Variants in MAPKAPK5 observed in about 807,000 individuals in gnomAD.
MAPKAPK5 encodes MAPK activated protein kinase 5.
In MAPKAPK5, 30 loss-of-function variants were observed where a neutral mutation model predicts 65.1. That is an observed-to-expected ratio of 0.46 (90% CI 0.34 to 0.63). The LOEUF (loss-of-function observed/expected upper bound fraction) is 0.63, where lower values mean the gene tolerates loss of function less well. Ranked by LOEUF, MAPKAPK5 falls within the 20% of genes least tolerant of loss-of-function variation. MAPKAPK5 has a pLI of 0.01. For synonymous variants in MAPKAPK5, 179 were observed against 204.6 expected, an observed-to-expected ratio of 0.87 and a Z score of 1.07; for missense variants, 433 against 581.4, an observed-to-expected ratio of 0.74 and a Z score of 2.63.
intron 1 of MAPKAPK5, among the ~76,000 whole-genome samples, chr12:111,852,499 T>C (rs1566226909): frequency 1.3e-5 from 2 of 152,252 alleles, no homozygotes; most frequent in Admixed American, 6.5e-5. Context: ...AACAATATAG[T>C]ATGTAATACA....
At chr12:111,865,387 T>C (rs1256857720) in intron 2 of MAPKAPK5, 64 bp downstream of exon 2, 3 of 1,096,334 alleles carry the variant, frequency 2.7e-6, no homozygotes, top group African/African-American at 1.6e-5. Context: ...AGAAGGGCCA[T>C]TTGAAATACA....
chr12:111,891,568 C>T (rs11066067), intron 13 of MAPKAPK5, among the ~76,000 whole-genome samples: 3 of 146,678 alleles, frequency 2.0e-5, no homozygotes, highest in African/African-American at 5.1e-5. Flanking sequence ...CCAAGGCGGG[C>T]GGATCATGAG....
chr12:111,890,056 G>T lies in MAPKAPK5; in HGVS notation c.1233G>T (p.Glu411Asp). The change falls in exon 13 of 14, where the codon GAG becomes GAT. Residue 411 changes from glutamate (E) to aspartate (D), a missense_variant. Around this residue, in one of 3 missense-constraint regions of MAPKAPK5, gnomAD observed 169 missense variants for 215.6 expected, o/e 0.78. Coordinates refer to ENST00000550735, the MANE Select transcript of MAPKAPK5 (RefSeq NM_003668.4). The part of the protein sequence containing the change: ...ILPQAGENED[E>D]KLNEVMQEAW... ...TACCAATAGGAGAGAATGAAGATGA[G>T]AAACTGAATGAAGTAATGCAGGAGG... 6.3e-7 allele frequency: 1 copy of T among 1,592,090 alleles called. No individual in the cohort carries two copies. The highest frequency in any genetic ancestry group is 1.3e-5 in the African/African-American group (1 of 74,612).
chr12:111,859,320 C>G (rs2069348463), intron 1 of MAPKAPK5, among the ~76,000 whole-genome samples: 1 of 144,112 alleles, frequency 6.9e-6, no homozygotes, highest in African/African-American at 2.6e-5. Flanking sequence ...CACTCTGTCA[C>G]CAGGCTGGAG....
intron 1 of MAPKAPK5, among the ~76,000 whole-genome samples, chr12:111,861,751 T>C (rs79896949): frequency 0.016 from 2,362 of 152,296 alleles, 73 homozygotes; most frequent in African/African-American, 0.054. Flanking sequence ...ATAGGAAATA[T>C]TTTAGGTTTT....
Position 111,867,585 on chromosome 12 carries a change from T to C in MAPKAPK5, c.200T>C (p.Met67Thr), listed in dbSNP as rs1329807131. ...PKARNEVRLH[M>T]MCATHPNIVQ... ...GTTCTCTTTAAGGTACGTCTGCACA[T>C]GATGTGTGCCACACACCCAAACATA... The change falls in exon 4 of 14, where the codon ATG becomes ACG. Residue 67 changes from methionine (M) to threonine (T), a missense_variant. This residue lies in a region of MAPKAPK5 where 165 missense variants were observed against 180.0 expected (regional missense o/e 0.92). Coordinates refer to ENST00000550735, the MANE Select transcript of MAPKAPK5 (RefSeq NM_003668.4). 6.2e-7 allele frequency: 1 copy of C among 1,613,288 alleles called. No individual in the cohort carries two copies. Among genetic ancestry groups the C allele is most frequent in the Non-Finnish European group, 8.5e-7 (1 of 1,179,208 alleles).
chr12:111,888,974 T>C lies in MAPKAPK5; in HGVS notation c.1190T>C (p.Ile397Thr). 1 of 1,597,382 alleles carries C rather than the reference T, an allele frequency of 6.3e-7. No individual in the cohort carries two copies. Among genetic ancestry groups the C allele is most frequent in the Non-Finnish European group, 8.5e-7 (1 of 1,171,780 alleles). The stretch of plus-strand genomic sequence containing the variant: ...GCCTTGGAAAAACTCCGAGATGTGA[T>C]TGCTCAGTGTATTCTCCCCCAGGCT... ...NVALEKLRDVIAQCILPQAGE... is the reference protein window; with the variant it reads ...NVALEKLRDVTAQCILPQAGE... The change falls in exon 12 of 14, where the codon ATT becomes ACT. Residue 397 changes from isoleucine to threonine, a missense_variant. Physicochemically the swap from Ile to Thr is moderately conservative, Grantham distance 89 (BLOSUM62 -1). Around this residue, in one of 3 missense-constraint regions of MAPKAPK5, gnomAD observed 169 missense variants for 215.6 expected, o/e 0.78. Coordinates refer to ENST00000550735, the MANE Select transcript of MAPKAPK5 (RefSeq NM_003668.4).
Position 111,888,955 on chromosome 12 carries a change from G to C in MAPKAPK5, c.1171G>C (p.Glu391Gln). ...NGAEDSNVAL[E>Q]KLRDVIAQCI... ...AGCCGAGGATTCCAATGTTGCCTTG[G>C]AAAAACTCCGAGATGTGATTGCTCA... Residue 391 changes from glutamate (E) to glutamine (Q), a missense_variant, in exon 12 of 14, where the codon GAA (glutamate) becomes CAA (glutamine). Coordinates refer to ENST00000550735, the MANE Select transcript of MAPKAPK5 (RefSeq NM_003668.4). 1 of 1,608,494 alleles carries C rather than the reference G, an allele frequency of 6.2e-7. No homozygotes were observed. Among genetic ancestry groups the C allele is most frequent in the Non-Finnish European group, 8.5e-7 (1 of 1,177,482 alleles).
At chr12:111,866,097 A>T in intron 2 of MAPKAPK5, 59 bp from the exon 3 acceptor site, 1 of 1,327,990 alleles carries the variant, frequency 7.5e-7, no homozygotes, top group Non-Finnish European at 1.0e-6. Context: ...AAAGCTTGTT[A>T]AATTAATTTT....
At chr12:111,889,114 G>C in intron 12 of MAPKAPK5, 114 bp downstream of exon 12, 2 of 1,185,984 alleles carry the variant, frequency 1.7e-6, no homozygotes, top group Non-Finnish European at 2.4e-6. Flanking sequence ...TGGGTTGTCT[G>C]TTTCATCTTG....
At chr12:111,875,052 C>G (rs930631500) in intron 7 of MAPKAPK5, among the ~76,000 whole-genome samples, 1 of 152,164 alleles carries the variant, frequency 6.6e-6, no homozygotes, top group African/African-American at 2.4e-5. Context: ...GCTGAGATTA[C>G]AGGCGTGAGC....
chr12:111,847,691 A>G (rs544400090), intron 1 of MAPKAPK5, among the ~76,000 whole-genome samples: 2 of 152,230 alleles, frequency 1.3e-5, no homozygotes, highest in African/African-American at 2.4e-5. Context: ...AGTAATTTTT[A>G]GTAAATTTAT....
intron 1 of MAPKAPK5, among the ~76,000 whole-genome samples, chr12:111,856,525 G>C (rs1441924841): frequency 6.6e-6 from 1 of 150,942 alleles, no homozygotes; most frequent in African/African-American, 2.4e-5. Flanking sequence ...TCCCATCCCA[G>C]CGTCCTGAGT....
At chr12:111,865,563 C>T (rs939862032) in intron 2 of MAPKAPK5, among the ~76,000 whole-genome samples, 8 of 152,054 alleles carry the variant, frequency 5.3e-5, no homozygotes, top group Admixed American at 1.3e-4. Flanking sequence ...ACTGGCCAGG[C>T]GCGGTGGCTC....
intron 1 of MAPKAPK5, among the ~76,000 whole-genome samples, chr12:111,844,888 A>G (rs1445514802): frequency 1.3e-5 from 2 of 152,200 alleles, no homozygotes; most frequent in Non-Finnish European, 2.9e-5. Flanking sequence ...TAGGAAGAGC[A>G]AGGTGGCTGG....
intron 12 of MAPKAPK5, 115 bp downstream of exon 12, chr12:111,889,115 T>A: frequency 1.7e-6 from 2 of 1,189,592 alleles, no homozygotes; most frequent in Non-Finnish European, 2.4e-6. Context: ...GGGTTGTCTG[T>A]TTCATCTTGT....
rs1051287692 is a variant in MAPKAPK5, at chr12:111,900,569, T to C, written c.*7508T>C. 1 of 456,042 alleles carries C rather than the reference T, an allele frequency of 2.2e-6. No individual in the cohort carries two copies. Among genetic ancestry groups the C allele is most frequent in the African/African-American group, 2.0e-5 (1 of 50,098 alleles). 28.2% of individuals were successfully genotyped at this position (456,042 alleles called of 1,614,324 possible). On this transcript the variant is annotated 3_prime_UTR_variant, in exon 14 of 14. Transcript: ENST00000550735. ...CCAGGGGCCGCAAGCGTAGGGATTCTGCCTGTGGAAATGGTGTGGTGGAGG... is the reference window on the plus strand; with the variant it reads ...CCAGGGGCCGCAAGCGTAGGGATTCCGCCTGTGGAAATGGTGTGGTGGAGG...
intron 3 of MAPKAPK5, among the ~76,000 whole-genome samples, chr12:111,867,162 G>A (rs1157133151): frequency 6.6e-6 from 1 of 151,934 alleles, no homozygotes; most frequent in Non-Finnish European, 1.5e-5. Context: ...AAACTCCTGG[G>A]CTCAAGTGAT....
At position 111,898,178 on chromosome 12, in the gene MAPKAPK5, T is replaced by G. The variant is rs2136179974; in HGVS notation, c.*5117T>G. 6.6e-6 allele frequency: 1 copy of G among 151,538 alleles called. No homozygotes were observed. The highest frequency in any genetic ancestry group is 2.4e-5 in the African/African-American group (1 of 41,326). 9.4% of individuals were successfully genotyped at this position (151,538 alleles called of 1,614,324 possible). On this transcript the variant is annotated 3_prime_UTR_variant, in exon 14 of 14. Transcript: ENST00000550735. Reference sequence around the variant, plus strand: ...TCAGCTTTTATTTTGACCCCACAGTTTTTTTTTTGAGACGGATTCTCACTC... The same window carrying G: ...TCAGCTTTTATTTTGACCCCACAGTGTTTTTTTTGAGACGGATTCTCACTC...
Sources: allele counts gnomAD v4.1 joint callset (sites outside exome capture counted in the v4.1 genomes callset), GRCh38; gene constraint gnomAD v4.1.1; regional missense constraint gnomAD v4.1.1; transcripts MANE v1.5; gene names NCBI Gene and HGNC (gene_info 2026-07-23, HGNC 2026-07-21).